The following CSMD1 variants were observed in gnomAD, a reference collection of about 807,000 sequenced individuals.
The protein encoded by CSMD1 is CUB and Sushi multiple domains 1, also known as CUB and sushi domain-containing protein 1.
CSMD1 carries 213 observed loss-of-function variants against 417.5 expected under a neutral mutation model. That is an observed-to-expected ratio of 0.51 (90% confidence interval 0.46 to 0.57). The LOEUF (loss-of-function observed/expected upper bound fraction) is 0.57, where lower values mean the gene tolerates loss of function less well. Among genes scored for constraint, CSMD1 ranks in the 20% least tolerant of loss-of-function variants. The pLI is 0.00. For synonymous variants in CSMD1, 2,862 were observed against 1,736.8 expected, an observed-to-expected ratio of 1.65 and a Z score of -16.11; for missense variants, 6,923 against 4,529.7, an observed-to-expected ratio of 1.53 and a Z score of -15.17.
chr8:3,669,150 C>T (rs924733154), intron 7 of CSMD1, among the ~76,000 whole-genome samples: 4 of 152,118 alleles, frequency 2.6e-5, no homozygotes, highest in African/African-American at 9.7e-5. Context: ...ATGGTTAAAA[C>T]AAGGAAAGCA....
chr8:3,849,559 T>C (rs1190533969), intron 5 of CSMD1, among the ~76,000 whole-genome samples: 3 of 152,122 alleles, frequency 2.0e-5, no homozygotes, highest in East Asian at 1.9e-4. Flanking sequence ...GTATCTGCAA[T>C]TCAAATGAGT....
chr8:4,451,822 C>G (rs1345757977), intron 2 of CSMD1, among the ~76,000 whole-genome samples: 1 of 152,056 alleles, frequency 6.6e-6, no homozygotes, highest in Non-Finnish European at 1.5e-5. Context: ...GCTCTTACCA[C>G]AGTGAGTTTT....
chr8:4,757,474 C>A (rs537699158), intron 1 of CSMD1, among the ~76,000 whole-genome samples: 3 of 152,134 alleles, frequency 2.0e-5, no homozygotes, highest in Non-Finnish European at 4.4e-5. Flanking sequence ...CAACATCAAA[C>A]AGATAATGAG....
intron 22 of CSMD1, among the ~76,000 whole-genome samples, chr8:3,346,603 C>A (rs1808014398): frequency 6.6e-6 from 1 of 152,178 alleles, no homozygotes; most frequent in African/African-American, 2.4e-5. Context: ...GCAAACGCGG[C>A]CTTAGGAGGA....
Position 3,230,144 on chromosome 8 carries a change from G to C in CSMD1, c.4241C>G (p.Thr1414Arg), listed in dbSNP as rs1798746520. ...GDSREAGDTVTFQCDPGYQLQ... is the reference protein window; with the variant it reads ...GDSREAGDTVRFQCDPGYQLQ... ...CTGATAGCCAGGGTCACACTGGAAT[G>C]TGACGGTGTCTCCAGCCTCTCTGCT... The change falls in exon 27 of 70, where the codon ACA becomes AGA. Residue 1414 changes from threonine (T) to arginine (R), a missense_variant. By Grantham distance (71) the Thr-to-Arg change is moderately conservative. Transcript: ENST00000635120. 1.2e-6 allele frequency: 2 copies of C among 1,613,618 alleles called. No individual in the cohort carries two copies. The highest frequency in any genetic ancestry group is 1.3e-5 in the African/African-American group (1 of 74,914).
At chr8:3,653,241 T>C (rs1390813584) in intron 7 of CSMD1, among the ~76,000 whole-genome samples, 1 of 152,136 alleles carries the variant, frequency 6.6e-6, no homozygotes, top group Non-Finnish European at 1.5e-5. Flanking sequence ...CATTGTCTCA[T>C]ATAAATATCA....
intron 3 of CSMD1, among the ~76,000 whole-genome samples, chr8:4,059,671 GC>G (rs1210291450): frequency 1.3e-5 from 2 of 152,080 alleles, no homozygotes; most frequent in Non-Finnish European, 2.9e-5. Flanking sequence ...ACACCTCTAC[GC>G]AAATAAACTA....
At chr8:4,380,834 G>A (rs1191906375) in intron 3 of CSMD1, among the ~76,000 whole-genome samples, 1 of 152,084 alleles carries the variant, frequency 6.6e-6, no homozygotes, top group Non-Finnish European at 1.5e-5. Context: ...GAATGTTTCT[G>A]TGTTTAATAT....
intron 3 of CSMD1, among the ~76,000 whole-genome samples, chr8:4,357,587 T>C (rs1801502730): frequency 6.6e-6 from 1 of 152,198 alleles, no homozygotes; most frequent in Non-Finnish European, 1.5e-5. Context: ...GTCTGCTTAG[T>C]ATTAGTCCTT....
At chr8:4,610,279 T>A (rs754130744) in intron 2 of CSMD1, among the ~76,000 whole-genome samples, 1 of 152,206 alleles carries the variant, frequency 6.6e-6, no homozygotes, top group Non-Finnish European at 1.5e-5. Flanking sequence ...AAACTGACTA[T>A]TGGATCCATG....
rs138440439 is a variant in CSMD1 at position 3,386,035 on chromosome 8, C to A, written c.2782+1459G>T. ...TGTCTTTCCTGCTGCAATAGTAATT[C>A]TTAGCTCATTTAAGATTGGTAAGTG... On this transcript the variant is annotated intron_variant, in intron 18 of 69. Coordinates refer to ENST00000635120, the MANE Select transcript of CSMD1 (RefSeq NM_033225.6). Among the ~76,000 whole-genome samples, 8 of 152,250 alleles carry A rather than the reference C, an allele frequency of 5.3e-5. No individual in the cohort carries two copies. The East Asian group carries it at 1.5e-3, about 29-fold the overall frequency.
At chr8:4,005,711 C>G (rs1251059889) in intron 4 of CSMD1, among the ~76,000 whole-genome samples, 1 of 152,190 alleles carries the variant, frequency 6.6e-6, no homozygotes. Context: ...AAGACTCCCT[C>G]ATTTGATTTG....
intron 19 of CSMD1, among the ~76,000 whole-genome samples, chr8:3,368,915 T>C (rs1809774584): frequency 6.6e-6 from 1 of 152,184 alleles, no homozygotes; most frequent in Admixed American, 6.5e-5. Context: ...AAATTGGAAG[T>C]TGGACAATCG....
At chr8:2,953,262 T>G (rs758884839) in intron 65 of CSMD1, among the ~76,000 whole-genome samples, 2 of 152,196 alleles carry the variant, frequency 1.3e-5, no homozygotes, top group African/African-American at 2.4e-5. Context: ...CATTTTATAT[T>G]CTTTATTATT....
At chr8:3,390,654 T>A (rs1406131996) in intron 17 of CSMD1, among the ~76,000 whole-genome samples, 1 of 150,348 alleles carries the variant, frequency 6.7e-6, no homozygotes, top group East Asian at 2.0e-4. Context: ...TTACAAACAT[T>A]ACTTTTTTTT....
At chr8:4,186,817 T>C (rs1798705127) in intron 3 of CSMD1, among the ~76,000 whole-genome samples, 1 of 136,290 alleles carries the variant, frequency 7.3e-6, no homozygotes, top group Admixed American at 8.2e-5. Flanking sequence ...TGACACCCCG[T>C]CTCTACTAAA....
chr8:3,120,008 T>C (rs1817104434), intron 41 of CSMD1, among the ~76,000 whole-genome samples: 1 of 152,252 alleles, frequency 6.6e-6, no homozygotes, highest in African/African-American at 2.4e-5. Context: ...TTCAATTTTA[T>C]GTGTAAATTC....
intron 26 of CSMD1, among the ~76,000 whole-genome samples, chr8:3,265,461 T>TA (rs545446596): frequency 3.6e-4 from 55 of 152,252 alleles, no homozygotes; most frequent in Non-Finnish European, 4.0e-4. Context: ...AGACGTTTCC[T>TA]AAACAGAGTG....
intron 4 of CSMD1, among the ~76,000 whole-genome samples, chr8:4,006,584 G>A (rs77326335): frequency 0.018 from 2,725 of 152,234 alleles, 43 homozygotes; most frequent in Non-Finnish European, 0.025. Context: ...TTCTTGGGAT[G>A]TTAGTTTTAT....
Sources: allele counts gnomAD v4.1 joint callset (sites outside exome capture counted in the v4.1 genomes callset), GRCh38; gene constraint gnomAD v4.1.1; transcripts MANE v1.5; gene names NCBI Gene and HGNC (gene_info 2026-07-23, HGNC 2026-07-21).